The following GPC5 variants were observed in gnomAD, a reference collection of about 807,000 sequenced individuals.
GPC5 encodes the protein glypican 5, also known as glypican-5.
GPC5 carries 47 observed loss-of-function variants against 53.9 expected under a neutral mutation model. The observed-to-expected ratio is 0.87, with a 90% CI of 0.69 to 1.11. The LOEUF (loss-of-function observed/expected upper bound fraction) is 1.11, where lower values mean the gene tolerates loss of function less well. Among genes scored for constraint, GPC5 ranks in the 50% most tolerant of loss-of-function variants. The probability of loss-of-function intolerance (pLI) is 0.00; values close to 1 mark genes in which losing one functional copy is unlikely to be tolerated. For synonymous variants in GPC5, 286 were observed against 263.3 expected (o/e 1.09, Z -0.84); for missense variants, 748 against 713.1 (o/e 1.05, Z -0.56).
chr13:92,057,821 G>A (rs1299885655), intron 6 of GPC5, among the ~76,000 whole-genome samples: 3 of 151,900 alleles, frequency 2.0e-5, no homozygotes, highest in South Asian at 2.1e-4. Context: ...AACAACCTTC[G>A]TATTTTTAAA....
chr13:91,884,451 A>G (rs908021829), intron 5 of GPC5, among the ~76,000 whole-genome samples: 3 of 152,226 alleles, frequency 2.0e-5, no homozygotes, highest in African/African-American at 7.2e-5. Flanking sequence ...TTGTAGGAAC[A>G]TGGATGGAGC....
intron 1 of GPC5, among the ~76,000 whole-genome samples, chr13:91,412,033 C>T (rs1187572557): frequency 6.6e-6 from 1 of 152,008 alleles, no homozygotes; most frequent in Non-Finnish European, 1.5e-5. Context: ...TTTCCTCTTA[C>T]CCCTTTTGTG....
At chr13:92,013,616 A>C (rs2040680936) in intron 6 of GPC5, among the ~76,000 whole-genome samples, 1 of 152,178 alleles carries the variant, frequency 6.6e-6, no homozygotes, top group South Asian at 2.1e-4. Flanking sequence ...GTTTCAGGCT[A>C]CTTTGGCTTA....
At chr13:91,950,266 GTT>G (rs35957614) in intron 6 of GPC5, among the ~76,000 whole-genome samples, 37 of 122,640 alleles carry the variant, frequency 3.0e-4, no homozygotes, top group African/African-American at 6.1e-4. Context: ...AAACTGCCAA[GTT>G]TTTTTTTTTT....
intron 2 of GPC5, among the ~76,000 whole-genome samples, chr13:91,665,505 C>CTTTTTTTTTTTTTTTT (rs371605806): frequency 1.4e-4 from 20 of 146,170 alleles, no homozygotes; most frequent in African/African-American, 4.7e-4. Context: ...AAAAGCCAGT[C>CTTTTTTTTTTTTTTTT]TTTTTTTTTT....
chr13:91,464,142 T>C (rs1882097703), intron 2 of GPC5, among the ~76,000 whole-genome samples: 1 of 152,136 alleles, frequency 6.6e-6, no homozygotes, highest in Admixed American at 6.6e-5. Flanking sequence ...ATGCAACATC[T>C]AGCTTTCCTG....
At chr13:92,863,723 C>T (rs1479563298) in intron 7 of GPC5, among the ~76,000 whole-genome samples, 2 of 152,136 alleles carry the variant, frequency 1.3e-5, no homozygotes, top group Non-Finnish European at 2.9e-5. Flanking sequence ...GTACTCCCGA[C>T]CTCAGGTGAT....
At chr13:91,789,506 AT>A (rs924825359) in intron 5 of GPC5, among the ~76,000 whole-genome samples, 5 of 152,268 alleles carry the variant, frequency 3.3e-5, no homozygotes, top group African/African-American at 1.2e-4. Context: ...TTTAGCATTA[AT>A]TTTTTTCAAT....
At chr13:91,980,420 A>T (rs1214689675) in intron 6 of GPC5, among the ~76,000 whole-genome samples, 1 of 152,120 alleles carries the variant, frequency 6.6e-6, no homozygotes, top group Non-Finnish European at 1.5e-5. Flanking sequence ...CTTTTTACAA[A>T]TATATACACT....
chr13:92,120,056 T>C (rs921712509), intron 6 of GPC5, among the ~76,000 whole-genome samples: 1 of 152,196 alleles, frequency 6.6e-6, no homozygotes, highest in Non-Finnish European at 1.5e-5. Context: ...AAAAGTTGCC[T>C]AATCAGACAG....
chr13:92,708,670 C>T lies in GPC5; in HGVS notation c.1562-157612C>T, dbSNP rs1328610203. ...GGTTAGAAAAAGTTGTGGAGCAATA[C>T]GTAAGGTTGGGGAGAAGAGATGTTA... On this transcript the variant is annotated intron_variant, in intron 7 of 7. Transcript: ENST00000377067. Among the ~76,000 whole-genome samples the T allele has an allele frequency of 4.6e-5, 7 of 150,710 alleles. No individual in the cohort carries two copies. The East Asian group carries it at 5.8e-4, about 13-fold the overall frequency.
At chr13:91,838,918 T>C (rs1187668959) in intron 5 of GPC5, among the ~76,000 whole-genome samples, 4 of 152,094 alleles carry the variant, frequency 2.6e-5, no homozygotes, top group Admixed American at 2.6e-4. Flanking sequence ...CAAAATAACA[T>C]CATGAAATAG....
At chr13:92,818,644 T>C (rs1244946576) in intron 7 of GPC5, among the ~76,000 whole-genome samples, 1 of 151,970 alleles carries the variant, frequency 6.6e-6, no homozygotes, top group Non-Finnish European at 1.5e-5. Context: ...CGATATTCTT[T>C]AATCAGATGG....
Position 91,399,113 on chromosome 13 carries a change from C to A in GPC5, c.67C>A (p.Arg23Ser), listed in dbSNP as rs760668409. 1.2e-6 allele frequency: 2 copies of A among 1,607,428 alleles called. No homozygotes were observed. The highest frequency in any genetic ancestry group is 3.4e-5 in the Admixed American group (2 of 59,268). Residue 23 changes from arginine to serine, a missense_variant, in exon 1 of 8, where the codon CGC becomes AGC. Coordinates refer to ENST00000377067, the MANE Select transcript of GPC5 (RefSeq NM_004466.6). ...LLLLALVGSA[R>S]SEGVQTCEEV... ...CCTTCTGGCCCTGGTTGGGTCCGCC[C>A]GCAGCGAGGGCGTGCAGACCTGCGA... is the stretch of plus-strand genomic sequence containing the variant.
intron 7 of GPC5, among the ~76,000 whole-genome samples, chr13:92,760,486 G>T (rs1875119796): frequency 6.6e-6 from 1 of 151,800 alleles, no homozygotes; most frequent in African/African-American, 2.4e-5. Flanking sequence ...AGTCTCTTAT[G>T]ATCCTTTCTT....
At chr13:91,838,476 A>C (rs987884447) in intron 5 of GPC5, among the ~76,000 whole-genome samples, 11 of 152,064 alleles carry the variant, frequency 7.2e-5, no homozygotes, top group African/African-American at 2.2e-4. Context: ...AAGAGGAGAA[A>C]TATTATGCAT....
In GPC5 at chr13:92,568,793, G is replaced by A. The variant is rs1430972128; in HGVS notation, c.1562-297489G>A. Reference sequence around the variant, plus strand: ...CCACCTTAGAACTGGGAAAATCAGTGCACAGAGAGGTTAAGTTACTTGCCC... The same window carrying A: ...CCACCTTAGAACTGGGAAAATCAGTACACAGAGAGGTTAAGTTACTTGCCC... On this transcript the variant is annotated intron_variant, in intron 7 of 7. Coordinates refer to ENST00000377067, the MANE Select transcript of GPC5 (RefSeq NM_004466.6). 2.0e-5 allele frequency among the ~76,000 whole-genome samples: 3 copies of A among 152,084 alleles called. No homozygotes were observed. The East Asian group carries it at 5.8e-4, about 29-fold the overall frequency.
intron 7 of GPC5, among the ~76,000 whole-genome samples, chr13:92,601,269 T>C (rs1884041001): frequency 6.6e-6 from 1 of 152,000 alleles, no homozygotes; most frequent in Non-Finnish European, 1.5e-5. Context: ...AAGAAACACA[T>C]ATTGGGCCAG....
chr13:92,585,107 C>T (rs1268905180), intron 7 of GPC5, among the ~76,000 whole-genome samples: 4 of 152,228 alleles, frequency 2.6e-5, no homozygotes, highest in Admixed American at 6.5e-5. Flanking sequence ...CCTCCTGGGG[C>T]ACCATCTAGT....
Sources: gnomAD v4.1 joint callset for allele counts (sites outside exome capture counted in the v4.1 genomes callset) on GRCh38, gnomAD v4.1.1 for gene constraint, MANE v1.5 for transcripts, NCBI Gene and HGNC (gene_info 2026-07-23, HGNC 2026-07-21) for gene names.